Variants in PBX3 observed in about 807,000 individuals in gnomAD.
PBX3 encodes PBX homeobox 3.
PBX3 carries 14 observed loss-of-function variants against 48.5 expected under a neutral mutation model. The ratio of observed to expected loss-of-function variants is 0.29; its 90% CI spans 0.19 to 0.45. The LOEUF is 0.45. PBX3 is among the 20% of genes least tolerant of loss of function. The pLI, the probability that PBX3 is intolerant of heterozygous loss-of-function variation, is 1.00. For synonymous variants in PBX3, 210 were observed against 200.3 expected (o/e 1.05, Z -0.41); for missense variants, 386 against 546.7 (o/e 0.71, Z 2.93).
At chr9:125,812,333 T>C (rs1253130260) in intron 2 of PBX3, among the ~76,000 whole-genome samples, 1 of 152,248 alleles carries the variant, frequency 6.6e-6, no homozygotes, top group Non-Finnish European at 1.5e-5. Flanking sequence ...CCAGCAGCCA[T>C]GTACTCATAC....
intron 2 of PBX3, among the ~76,000 whole-genome samples, chr9:125,791,808 C>A (rs12236996): frequency 3.3e-5 from 5 of 151,736 alleles, no homozygotes; most frequent in Admixed American, 2.0e-4. Context: ...TGGTGGCAGG[C>A]GCCTGTAGTC....
chr9:125,948,130 G>A (rs1842104504), intron 5 of PBX3, among the ~76,000 whole-genome samples: 1 of 152,212 alleles, frequency 6.6e-6, no homozygotes, highest in Admixed American at 6.5e-5. Context: ...AGTGTCTGCA[G>A]TGGGGCTGGC....
At chr9:125,782,291 A>C (rs138034107) in intron 2 of PBX3, among the ~76,000 whole-genome samples, 1 of 152,280 alleles carries the variant, frequency 6.6e-6, no homozygotes, top group African/African-American at 2.4e-5. Flanking sequence ...GTTAACTATC[A>C]TGAGACCAGC....
At chr9:125,800,066 A>G (rs1673048853) in intron 2 of PBX3, among the ~76,000 whole-genome samples, 1 of 152,194 alleles carries the variant, frequency 6.6e-6, no homozygotes, top group South Asian at 2.1e-4. Flanking sequence ...GCTACAAGAT[A>G]TTTGATGTTA....
At chr9:125,900,748 A>G (rs1840926430) in intron 2 of PBX3, among the ~76,000 whole-genome samples, 1 of 151,760 alleles carries the variant, frequency 6.6e-6, no homozygotes, top group Admixed American at 6.6e-5. Flanking sequence ...ATACCTTTTA[A>G]ACAGAGACAC....
intron 2 of PBX3, among the ~76,000 whole-genome samples, chr9:125,915,483 T>C (rs895361983): frequency 1.3e-5 from 2 of 152,184 alleles, no homozygotes; most frequent in Non-Finnish European, 2.9e-5. Context: ...TTTAAAATTC[T>C]AGGGTGCATG....
At chr9:125,902,087 T>C (rs1423750732) in intron 2 of PBX3, among the ~76,000 whole-genome samples, 1 of 151,620 alleles carries the variant, frequency 6.6e-6, no homozygotes, top group Non-Finnish European at 1.5e-5. Flanking sequence ...GTGGTTTTTT[T>C]TTTAAGAGAA....
chr9:125,929,599 G>A, intron 3 of PBX3, 56 bp from the exon 4 acceptor site: 1 of 1,237,658 alleles, frequency 8.1e-7, no homozygotes, highest in African/African-American at 1.5e-5. Context: ...ATGAGTGAAT[G>A]TCTTCGTGTG....
At chr9:125,795,334 T>G (rs1024378508) in intron 2 of PBX3, among the ~76,000 whole-genome samples, 1 of 152,218 alleles carries the variant, frequency 6.6e-6, no homozygotes, top group African/African-American at 2.4e-5. Context: ...AGCACCTAGC[T>G]GGTATATCTT....
intron 2 of PBX3, among the ~76,000 whole-genome samples, chr9:125,810,282 C>T (rs745574273): frequency 5.3e-5 from 8 of 151,986 alleles, no homozygotes; most frequent in Non-Finnish European, 8.8e-5. Flanking sequence ...TTTTATAATT[C>T]TCAAGGGGCT....
chr9:125,876,963 G>A (rs940513905), intron 2 of PBX3, among the ~76,000 whole-genome samples: 11 of 151,946 alleles, frequency 7.2e-5, no homozygotes, highest in Non-Finnish European at 1.5e-5. Context: ...TAGTAGAGAC[G>A]GGGTTTCACC....
intron 3 of PBX3, 27 bp from the exon 4 acceptor site, chr9:125,929,628 A>C: frequency 6.5e-7 from 1 of 1,545,470 alleles, no homozygotes; most frequent in Non-Finnish European, 8.9e-7. Context: ...TAGTTTCCAA[A>C]GGAGTGATTT....
At position 125,962,176 on chromosome 9, in the gene PBX3, T is replaced by C; in HGVS notation, c.1084T>C (p.Tyr362His). 1 of 1,613,160 alleles carries C rather than the reference T, an allele frequency of 6.2e-7. No individual in the cohort carries two copies. The highest frequency in any genetic ancestry group is 8.5e-7 in the Non-Finnish European group (1 of 1,179,094). The change falls in exon 7 of 9, where the codon TAC (tyrosine) becomes CAC (histidine). Residue 362 changes from tyrosine to histidine, a missense_variant. By Grantham distance (83) the Tyr-to-His change is moderately conservative. Around this residue, in one of 4 missense-constraint regions of PBX3, gnomAD observed 127 missense variants for 143.3 expected, o/e 0.89. Coordinates refer to ENST00000373489, the MANE Select transcript of PBX3 (RefSeq NM_006195.6). ...CATGCAGAGTCTGAATGGGGATTCT[T>C]ACCAAGGGTCCCAAGTCGGAGCCAA... ...MNMQSLNGDS[Y>H]QGSQVGANVQ...
intron 2 of PBX3, among the ~76,000 whole-genome samples, chr9:125,909,669 A>C (rs1841158379): frequency 1.3e-5 from 2 of 152,144 alleles, no homozygotes; most frequent in South Asian, 4.1e-4. Context: ...GAAACGTCAG[A>C]GTCATAGCCT....
At chr9:125,790,904 C>G (rs1459768694) in intron 2 of PBX3, among the ~76,000 whole-genome samples, 1 of 151,704 alleles carries the variant, frequency 6.6e-6, no homozygotes, top group Non-Finnish European at 1.5e-5. Flanking sequence ...AACAATGAAC[C>G]TTACCCTAAT....
chr9:125,917,488 G>A (rs905040375), intron 3 of PBX3, among the ~76,000 whole-genome samples: 23 of 152,140 alleles, frequency 1.5e-4, no homozygotes, highest in African/African-American at 5.6e-4. Context: ...ATAGGGTCAT[G>A]CAGAGTATTT....
intron 2 of PBX3, among the ~76,000 whole-genome samples, chr9:125,780,217 G>A (rs1300970197): frequency 1.5e-5 from 2 of 135,694 alleles, no homozygotes; most frequent in African/African-American, 5.6e-5. Context: ...CCTCCCGGAC[G>A]GGTCGGCTGG....
At chr9:125,793,078 T>C (rs1363937100) in intron 2 of PBX3, among the ~76,000 whole-genome samples, 1 of 151,684 alleles carries the variant, frequency 6.6e-6, no homozygotes, top group African/African-American at 2.4e-5. Context: ...ATTGGCCAGG[T>C]ACGGTGGCTC....
intron 2 of PBX3, among the ~76,000 whole-genome samples, chr9:125,858,591 TG>T (rs1839781831): frequency 6.7e-6 from 1 of 150,214 alleles, no homozygotes; most frequent in Admixed American, 6.7e-5. Flanking sequence ...ATTTCACTTT[TG>T]GGGACCCTAC....
Sources: gnomAD v4.1 joint callset for allele counts (sites outside exome capture counted in the v4.1 genomes callset) on GRCh38, gnomAD v4.1.1 for gene constraint, gnomAD v4.1.1 regional missense constraint, MANE v1.5 for transcripts, NCBI Gene and HGNC (gene_info 2026-07-23, HGNC 2026-07-21) for gene names.